Variants in PIP4K2A observed in about 807,000 individuals in gnomAD.
The protein encoded by PIP4K2A is phosphatidylinositol-5-phosphate 4-kinase type 2 alpha, also known as phosphatidylinositol 5-phosphate 4-kinase type-2 alpha.
PIP4K2A carries 14 observed loss-of-function variants against 42.9 expected under a neutral mutation model. That is an observed-to-expected ratio of 0.33 (90% CI 0.22 to 0.51). The LOEUF (loss-of-function observed/expected upper bound fraction) is 0.51. PIP4K2A is among the 20% of genes least tolerant of loss of function. The probability of loss-of-function intolerance (pLI) is 0.97; values close to 1 mark genes in which losing one functional copy is unlikely to be tolerated. For synonymous variants in PIP4K2A, 192 were observed against 192.2 expected (o/e 1.00, Z 0.01); for missense variants, 434 against 519.8 (o/e 0.83, Z 1.61).
At chr10:22,583,767 A>G (rs1047077053) in intron 4 of PIP4K2A, among the ~76,000 whole-genome samples, 3 of 152,246 alleles carry the variant, frequency 2.0e-5, no homozygotes, top group African/African-American at 7.2e-5. Flanking sequence ...AAGGAAAGCA[A>G]GTGTAGCCAC....
intron 7 of PIP4K2A, among the ~76,000 whole-genome samples, chr10:22,542,354 G>A (rs1425719416): frequency 1.9e-5 from 1 of 51,712 alleles, no homozygotes; most frequent in Non-Finnish European, 3.7e-5. Context: ...ACCAGTAAGA[G>A]ATGCGGAGAG....
intron 6 of PIP4K2A, among the ~76,000 whole-genome samples, chr10:22,563,237 A>G (rs1222111700): frequency 1.3e-5 from 2 of 152,218 alleles, no homozygotes; most frequent in Non-Finnish European, 2.9e-5. Context: ...AATAAGAGTT[A>G]TTAGAAACCT....
chr10:22,617,171 G>C (rs758260631), intron 1 of PIP4K2A, among the ~76,000 whole-genome samples: 2 of 152,096 alleles, frequency 1.3e-5, no homozygotes, highest in African/African-American at 4.8e-5. Context: ...TTGTTTTTTC[G>C]TGTGAGACTG....
intron 6 of PIP4K2A, among the ~76,000 whole-genome samples, chr10:22,561,848 G>A (rs1282589032): frequency 6.6e-6 from 1 of 152,078 alleles, no homozygotes; most frequent in African/African-American, 2.4e-5. Flanking sequence ...TTACAGGCGT[G>A]AGCCACCATG....
At chr10:22,627,588 TAATAAAAAAAAAAAAAAAAAA>T (rs1406163459) in intron 1 of PIP4K2A, among the ~76,000 whole-genome samples, 15 of 38,924 alleles carry the variant, frequency 3.9e-4, no homozygotes, top group African/African-American at 5.8e-4. Context: ...AGCTAATATG[TAATAAAAAAAAAAAAAAAAAA>T]AAAAAAAAAA....
intron 4 of PIP4K2A, among the ~76,000 whole-genome samples, chr10:22,581,568 A>T (rs1268089070): frequency 8.0e-5 from 2 of 24,890 alleles, no homozygotes; most frequent in East Asian, 0.013. Context: ...CTATCTCTAA[A>T]AAAAAAAAAA....
At chr10:22,701,499 A>C (rs7079078) in intron 1 of PIP4K2A, among the ~76,000 whole-genome samples, 65,316 of 151,960 alleles carry the variant, frequency 0.43, 16,015 homozygotes, top group African/African-American at 0.67. Flanking sequence ...TGGAAGACAG[A>C]AATGGCATTC....
At chr10:22,580,139 T>C (rs1486327730) in intron 4 of PIP4K2A, among the ~76,000 whole-genome samples, 1 of 151,828 alleles carries the variant, frequency 6.6e-6, no homozygotes, top group African/African-American at 2.4e-5. Flanking sequence ...GTATCTTTAA[T>C]GCATGACGGG....
At chr10:22,706,255 C>T (rs1163977752) in intron 1 of PIP4K2A, among the ~76,000 whole-genome samples, 1 of 152,164 alleles carries the variant, frequency 6.6e-6, no homozygotes, top group Non-Finnish European at 1.5e-5. Flanking sequence ...ATTGTTACCT[C>T]CTCTCAAGGA....
chr10:22,591,088 T>A (rs1837499584), intron 4 of PIP4K2A, among the ~76,000 whole-genome samples: 1 of 152,218 alleles, frequency 6.6e-6, no homozygotes. Flanking sequence ...GATGGTCTAC[T>A]TTACCTCCAG....
At chr10:22,573,226 G>A in intron 5 of PIP4K2A, 85 bp downstream of exon 5, 1 of 1,268,130 alleles carries the variant, frequency 7.9e-7, no homozygotes, top group Non-Finnish European at 1.1e-6. Context: ...CGGCTCCTAA[G>A]CATTTCTGAT....
chr10:22,620,115 T>C (rs1277972830), intron 1 of PIP4K2A, among the ~76,000 whole-genome samples: 1 of 152,244 alleles, frequency 6.6e-6, no homozygotes, highest in African/African-American at 2.4e-5. Context: ...CTTTAATTTA[T>C]AACATAGACA....
intron 1 of PIP4K2A, among the ~76,000 whole-genome samples, chr10:22,660,270 A>C (rs1379603456): frequency 6.6e-6 from 1 of 152,128 alleles, no homozygotes; most frequent in Non-Finnish European, 1.5e-5. Flanking sequence ...CAGGAATTCG[A>C]GACCAGCCTG....
intron 1 of PIP4K2A, among the ~76,000 whole-genome samples, chr10:22,700,120 G>A (rs1460343736): frequency 6.6e-6 from 1 of 152,198 alleles, no homozygotes; most frequent in Non-Finnish European, 1.5e-5. Flanking sequence ...ACGGATACAA[G>A]AGCAAGGTAT....
intron 4 of PIP4K2A, among the ~76,000 whole-genome samples, chr10:22,582,465 G>A (rs1028264789): frequency 1.3e-5 from 2 of 152,182 alleles, no homozygotes; most frequent in Admixed American, 1.3e-4. Context: ...ATCTCCGCAC[G>A]ATAGTGTGAA....
chr10:22,618,433 G>C (rs1838227947), intron 1 of PIP4K2A, among the ~76,000 whole-genome samples: 1 of 152,310 alleles, frequency 6.6e-6, no homozygotes. Context: ...AGGGTATCCA[G>C]AGCTATTGAA....
At position 22,645,021 on chromosome 10, in the gene PIP4K2A, G is replaced by A. The variant is rs183115358; in HGVS notation, c.145-35304C>T. Among the ~76,000 whole-genome samples, 786 of 152,234 alleles carry A rather than the reference G, an allele frequency of 5.2e-3. 5 individuals are homozygous for A. The highest frequency in any genetic ancestry group is 0.027 in the South Asian group (129 of 4,812). ...TGCCTACCCCCTTCCCCCTATGCTGGGGACTTACTAAAAGAGCAAAGAAAT... is the reference window on the plus strand; with the variant it reads ...TGCCTACCCCCTTCCCCCTATGCTGAGGACTTACTAAAAGAGCAAAGAAAT... On this transcript the variant is annotated intron_variant, in intron 1 of 9. Transcript: ENST00000376573.
intron 6 of PIP4K2A, among the ~76,000 whole-genome samples, chr10:22,557,483 C>A (rs559341723): frequency 6.6e-6 from 1 of 152,144 alleles, no homozygotes; most frequent in Admixed American, 6.5e-5. Flanking sequence ...AATTAACTCA[C>A]GTGTATGTGT....
chr10:22,619,095 T>C (rs1416316034), intron 1 of PIP4K2A, among the ~76,000 whole-genome samples: 4 of 152,102 alleles, frequency 2.6e-5, no homozygotes, highest in Non-Finnish European at 5.9e-5. Flanking sequence ...AATCACCAAC[T>C]TGAGCACCAG....
Sources: allele counts gnomAD v4.1 joint callset (sites outside exome capture counted in the v4.1 genomes callset), GRCh38; gene constraint gnomAD v4.1.1; transcripts MANE v1.5; gene names NCBI Gene and HGNC (gene_info 2026-07-23, HGNC 2026-07-21).